ATG4A: variants seen among roughly 807,000 people sequenced by gnomAD.
ATG4A encodes the protein autophagy related 4A cysteine peptidase.
A neutral mutation model predicts 38.4 loss-of-function variants in ATG4A; 22 were observed. The observed-to-expected ratio is 0.57, with a 90% CI of 0.41 to 0.82. The LOEUF (loss-of-function observed/expected upper bound fraction) is 0.82. Ranked by LOEUF, ATG4A falls within the 40% of genes least tolerant of loss-of-function variation. The pLI is 0.00. For missense variants in ATG4A, 220 were observed against 290.0 expected (o/e 0.76, Z 1.75); for synonymous variants, 86 against 100.7 (o/e 0.85, Z 0.88).
chrX:108,125,985 C>A (rs1301147307), intron 1 of ATG4A, 92 bp from the exon 2 acceptor site: 3 of 533,101 alleles, frequency 5.6e-6, no homozygotes, highest in African/African-American at 4.8e-5. Context: ...AAGCTGCTGA[C>A]CTTTCACCTT....
At chrX:108,112,639 C>CCCGCCT (rs2032393523) in intron 1 of ATG4A, among the ~76,000 whole-genome samples, 1 of 110,924 alleles carries the variant, frequency 9.0e-6, no homozygotes, top group Non-Finnish European at 1.9e-5. Flanking sequence ...TCGTGATCCG[C>CCCGCCT]CCGCCTCCGC....
intron 3 of ATG4A, 43 bp downstream of exon 3, chrX:108,128,895 T>C: frequency 4.1e-6 from 4 of 971,897 alleles, no homozygotes; most frequent in Non-Finnish European, 5.6e-6. Flanking sequence ...TCCTTGTGGA[T>C]AGCTTGCCTG....
intron 1 of ATG4A, among the ~76,000 whole-genome samples, chrX:108,120,748 C>T (rs2032627679): frequency 1.8e-5 from 2 of 111,945 alleles, no homozygotes; most frequent in African/African-American, 6.5e-5. Flanking sequence ...CCTTGCTAAC[C>T]AGACTGGTTA....
chrX:108,123,316 C>G (rs2032707488), intron 1 of ATG4A, among the ~76,000 whole-genome samples: 1 of 111,987 alleles, frequency 8.9e-6, no homozygotes, highest in Non-Finnish European at 1.9e-5. Context: ...AGCCTGATAT[C>G]TGGTTTGTTT....
chrX:108,096,430 G>A (rs1441725736), intron 1 of ATG4A, among the ~76,000 whole-genome samples: 3 of 111,847 alleles, frequency 2.7e-5, no homozygotes, highest in Non-Finnish European at 5.6e-5. Flanking sequence ...GTATAGAGCA[G>A]AAGTGCCCTG....
At chrX:108,150,462 G>A (rs2033558603) in intron 10 of ATG4A, among the ~76,000 whole-genome samples, 165 bp downstream of exon 10, 1 of 112,628 alleles carries the variant, frequency 8.9e-6, no homozygotes, top group Non-Finnish European at 1.9e-5. Context: ...GAGCCAAACT[G>A]CTCCAGTTGG....
chrX:108,102,229 GT>G (rs757615193), intron 1 of ATG4A, among the ~76,000 whole-genome samples: 4 of 110,542 alleles, frequency 3.6e-5, no homozygotes, highest in Non-Finnish European at 1.9e-5. Context: ...AGCACTTACT[GT>G]TTTTTTTAAT....
chrX:108,147,725 G>A (rs1006281862), intron 9 of ATG4A, among the ~76,000 whole-genome samples: 8 of 110,751 alleles, frequency 7.2e-5, no homozygotes, highest in Non-Finnish European at 1.5e-4. Flanking sequence ...ATGGTCAATT[G>A]TATTATGTAT....
At chrX:108,093,199 C>T (rs777331859) in intron 1 of ATG4A, among the ~76,000 whole-genome samples, 1 of 111,619 alleles carries the variant, frequency 9.0e-6, no homozygotes, top group African/African-American at 3.3e-5. Context: ...GTCCCTCATG[C>T]CTATTTATAG....
chrX:108,116,103 G>A (rs1339222702), intron 1 of ATG4A, among the ~76,000 whole-genome samples: 1 of 111,566 alleles, frequency 9.0e-6, no homozygotes, highest in Non-Finnish European at 1.9e-5. Flanking sequence ...TGGGCGATGT[G>A]GCTCAAATGA....
intron 4 of ATG4A, among the ~76,000 whole-genome samples, chrX:108,132,720 A>G (rs780209754): frequency 3.7e-4 from 34 of 92,322 alleles, no homozygotes; most frequent in Non-Finnish European, 7.3e-4. Flanking sequence ...CATTCTTACT[A>G]TTTAATTTTT....
rs1013795401 is a variant in ATG4A, at chrX:108,126,202, C to T, written c.121+15C>T. The T allele has an allele frequency of 6.1e-6, 7 of 1,146,040 alleles. No homozygotes were observed. The Admixed American group carries it at 6.6e-5, about 11-fold the overall frequency. 94.4% of individuals were successfully genotyped at this position (1,146,040 alleles called of 1,213,427 possible). On this transcript the variant is annotated intron_variant, in intron 2 of 12. Coordinates refer to ENST00000372232, the MANE Select transcript of ATG4A (RefSeq NM_052936.5). ...CCTTAAAACAGGTAAGATTTGGTAG[C>T]ATTTGTCTGTAAGAACCCAGATGAG...
intron 2 of ATG4A, among the ~76,000 whole-genome samples, chrX:108,127,272 A>G (rs2032825106): frequency 8.9e-6 from 1 of 111,893 alleles, no homozygotes; most frequent in African/African-American, 3.3e-5. Context: ...TCATTGCTAA[A>G]ATGTCCATAC....
At chrX:108,149,274 C>T (rs2033519241) in intron 9 of ATG4A, among the ~76,000 whole-genome samples, 1 of 112,568 alleles carries the variant, frequency 8.9e-6, no homozygotes, top group African/African-American at 3.2e-5. Context: ...AACCAGATGG[C>T]CCTCAGGCCC....
intron 1 of ATG4A, among the ~76,000 whole-genome samples, chrX:108,101,538 C>T (rs1210290718): frequency 1.8e-5 from 2 of 109,446 alleles, no homozygotes; most frequent in African/African-American, 6.6e-5. Flanking sequence ...GAATTTCCAT[C>T]TCAGCACTGC....
chrX:108,091,543 G>C (rs370402697), upstream of ATG4A: 15 of 1,189,512 alleles, frequency 1.3e-5, no homozygotes, highest in African/African-American at 2.1e-4. Context: ...GCAACTACTT[G>C]TCGCGCGAGC....
chrX:108,140,254 T>C (rs146335530), intron 9 of ATG4A, among the ~76,000 whole-genome samples: 45 of 111,228 alleles, frequency 4.0e-4, no homozygotes, highest in African/African-American at 1.4e-3. Flanking sequence ...TTGTGAAGTT[T>C]GACTACTCAT....
intron 1 of ATG4A, 74 bp downstream of exon 1, chrX:108,091,910 G>A (rs2031640948): frequency 8.3e-7 from 1 of 1,198,617 alleles, no homozygotes; most frequent in East Asian, 3.0e-5. Context: ...CGTTGAGTCG[G>A]CCATATGAAA....
intron 1 of ATG4A, among the ~76,000 whole-genome samples, chrX:108,119,100 T>A (rs1444136879): frequency 9.0e-6 from 1 of 111,661 alleles, no homozygotes; most frequent in Non-Finnish European, 1.9e-5. Flanking sequence ...CATCTTCTCT[T>A]CCTAGGGCTC....
Sources: gnomAD v4.1 joint callset for allele counts (sites outside exome capture counted in the v4.1 genomes callset) on GRCh38, gnomAD v4.1.1 for gene constraint, MANE v1.5 for transcripts, NCBI Gene and HGNC (gene_info 2026-07-23, HGNC 2026-07-21) for gene names.